Variants in ANKRD30B observed in about 807,000 individuals in gnomAD.
ANKRD30B encodes ankyrin repeat domain 30B.
A neutral mutation model predicts 202.2 loss-of-function variants in ANKRD30B; 144 were observed. The ratio of observed to expected loss-of-function variants is 0.71; its 90% CI spans 0.62 to 0.82. The LOEUF (loss-of-function observed/expected upper bound fraction) is 0.82, where lower values mean the gene tolerates loss of function less well. ANKRD30B is among the 40% of genes least tolerant of loss of function. The pLI is 0.00. For synonymous variants in ANKRD30B, 508 were observed against 561.3 expected (o/e 0.91, Z 1.34); for missense variants, 1,487 against 1,669.1 (o/e 0.89, Z 1.90).
intron 32 of ANKRD30B, among the ~76,000 whole-genome samples, chr18:14,824,333 T>G (rs1970578779): frequency 6.6e-6 from 1 of 152,210 alleles, no homozygotes; most frequent in Non-Finnish European, 1.5e-5. Flanking sequence ...ATGAAAATAT[T>G]TAAAATACTG....
intron 39 of ANKRD30B, among the ~76,000 whole-genome samples, 187 bp from the exon 40 acceptor site, chr18:14,848,529 T>G (rs534733573): frequency 1.4e-4 from 22 of 152,234 alleles, no homozygotes; most frequent in Non-Finnish European, 2.6e-4. Flanking sequence ...TTCAGTATAT[T>G]TTAAGCTAAA....
At chr18:14,838,764 A>G (rs1971286715) in intron 36 of ANKRD30B, among the ~76,000 whole-genome samples, 1 of 152,256 alleles carries the variant, frequency 6.6e-6, no homozygotes, top group Non-Finnish European at 1.5e-5. Flanking sequence ...AAATCGTTTA[A>G]TCTAATCAAA....
chr18:14,776,434 T>A lies in ANKRD30B; in HGVS notation c.1330-1551T>A, dbSNP rs144599494. 8.8e-3 allele frequency among the ~76,000 whole-genome samples: 1,345 copies of A among 152,342 alleles called. 13 individuals carry two copies. The highest frequency in any genetic ancestry group is 0.012 in the Non-Finnish European group (837 of 68,022). ...AGTGGAATTCTATGGTCAGAGTAGA[T>A]CTTTCTGAAACTGCCATTTAATCTC... On this transcript the variant is annotated intron_variant, in intron 9 of 43. Coordinates refer to ENST00000690538, the MANE Select transcript of ANKRD30B (RefSeq NM_001367607.2).
At chr18:14,852,511 TAAATAGATG>T in intron 42 of ANKRD30B, 91 bp downstream of exon 42, 7 of 1,361,226 alleles carry the variant, frequency 5.1e-6, no homozygotes, top group African/African-American at 4.4e-5. Context: ...TATATATATA[TAAATAGATG>T]ATAAATGTAC....
chr18:14,913,407 T>C, the ANKRD30B span, among the ~76,000 whole-genome samples: 1 of 152,122 alleles, frequency 6.6e-6, no homozygotes, highest in Admixed American at 6.6e-5. Flanking sequence ...GAAGAGGGAA[T>C]TTTATGAATT....
At chr18:14,932,590 C>A in the ANKRD30B span, among the ~76,000 whole-genome samples, 1 of 152,024 alleles carries the variant, frequency 6.6e-6, no homozygotes, top group Non-Finnish European at 1.5e-5. Context: ...CGCCCGCTTC[C>A]CCCTCCCAAA....
chr18:14,893,337 G>A, the ANKRD30B span, among the ~76,000 whole-genome samples: 6 of 152,170 alleles, frequency 3.9e-5, no homozygotes, highest in South Asian at 2.1e-4. Flanking sequence ...TGGGCTGGGC[G>A]CAGTGGCTCA....
Position 14,840,745 on chromosome 18 carries a change from A to G in ANKRD30B, c.3079+67A>G, listed in dbSNP as rs1394714200. 11 of 821,164 alleles carry G rather than the reference A, an allele frequency of 1.3e-5. No individual in the cohort carries two copies. The African/African-American group carries it at 1.8e-4, about 14-fold the overall frequency. The allele number at this position is 821,164 out of a possible 1,614,324, so 50.9% of individuals were successfully genotyped here. A position where few individuals can be genotyped will look rare whatever the true frequency, so the allele number is the denominator to read the frequency against. Reference sequence around the variant, plus strand: ...TTTGTCTCAAAGCATGAGGACTGATATACTCTGACAGCCAGAGAAAATTAT... The same window carrying G: ...TTTGTCTCAAAGCATGAGGACTGATGTACTCTGACAGCCAGAGAAAATTAT... On this transcript the variant is annotated intron_variant, in intron 37 of 43. Coordinates refer to ENST00000690538, the MANE Select transcript of ANKRD30B (RefSeq NM_001367607.2).
chr18:14,776,940 C>T (rs1967392828), intron 9 of ANKRD30B, among the ~76,000 whole-genome samples: 1 of 152,206 alleles, frequency 6.6e-6, no homozygotes, highest in African/African-American at 2.4e-5. Flanking sequence ...CTCCGCATGA[C>T]ATACTCTGAA....
chr18:14,843,789 G>A (rs1840262222), intron 39 of ANKRD30B, among the ~76,000 whole-genome samples: 2 of 152,226 alleles, frequency 1.3e-5, no homozygotes, highest in South Asian at 4.1e-4. Flanking sequence ...GCGAGACTCC[G>A]TCTCAAAAAC....
the ANKRD30B span, among the ~76,000 whole-genome samples, chr18:14,897,028 A>G: frequency 6.6e-6 from 1 of 150,740 alleles, no homozygotes; most frequent in Non-Finnish European, 1.5e-5. Flanking sequence ...CCAAGGGAGG[A>G]TGTGAGGAAT....
the ANKRD30B span, among the ~76,000 whole-genome samples, chr18:14,898,211 C>A: frequency 6.6e-6 from 1 of 152,046 alleles, no homozygotes; most frequent in Admixed American, 6.5e-5. Flanking sequence ...AATATAAATT[C>A]AAATTATCTT....
At position 14,748,598 on chromosome 18, in the gene ANKRD30B, G is replaced by A. The variant is rs777341413; in HGVS notation, c.179G>A (p.Gly60Glu). Residue 60 changes from glycine to glutamate, a missense_variant, in exon 1 of 44, where the codon GGG becomes GAG. Coordinates refer to ENST00000690538, the MANE Select transcript of ANKRD30B (RefSeq NM_001367607.2). The stretch of plus-strand genomic sequence containing the variant: ...CAGAAGCTGGAGAAGATGACAGTAG[G>A]GAAGAAGCCCGTCAACCTGAACAAA... Reference protein sequence around the residue: ...QVQKLEKMTVGKKPVNLNKRD... With the variant: ...QVQKLEKMTVEKKPVNLNKRD... The A allele has an allele frequency of 6.4e-7, 1 of 1,566,856 alleles. No homozygotes were observed. The highest frequency in any genetic ancestry group is 2.4e-5 in the East Asian group (1 of 42,430).
intron 16 of ANKRD30B, among the ~76,000 whole-genome samples, chr18:14,795,723 G>A (rs1044663041): frequency 3.9e-5 from 6 of 151,964 alleles, no homozygotes; most frequent in Admixed American, 6.6e-5. Flanking sequence ...AATTCTCATC[G>A]CAGCTTTGCA....
chr18:14,874,480 A>G, the ANKRD30B span, among the ~76,000 whole-genome samples: 3 of 152,256 alleles, frequency 2.0e-5, no homozygotes, highest in South Asian at 2.1e-4. Context: ...TACAATTTGT[A>G]TGAACATCAA....
the ANKRD30B span, among the ~76,000 whole-genome samples, chr18:14,881,062 T>G: frequency 0.014 from 2,066 of 152,266 alleles, 45 homozygotes; most frequent in African/African-American, 0.047. Context: ...CTTTACCGAT[T>G]TGGATTTCCT....
intron 34 of ANKRD30B, among the ~76,000 whole-genome samples, chr18:14,831,968 T>C (rs1970965766): frequency 6.6e-6 from 1 of 152,208 alleles, no homozygotes; most frequent in Admixed American, 6.5e-5. Flanking sequence ...ATATAGGTTT[T>C]TTTGGCGCAT....
chr18:14,848,153 CT>C (rs1195258840), intron 39 of ANKRD30B, among the ~76,000 whole-genome samples: 4 of 151,390 alleles, frequency 2.6e-5, no homozygotes, highest in South Asian at 2.1e-4. Context: ...TTGCTTTCCA[CT>C]TTTTTTTTCT....
At chr18:14,762,589 A>C (rs1378547560) in intron 6 of ANKRD30B, among the ~76,000 whole-genome samples, 2 of 152,240 alleles carry the variant, frequency 1.3e-5, no homozygotes, top group South Asian at 4.1e-4. Flanking sequence ...ATGTTGTTCT[A>C]TCTACTGGAT....
Sources: allele counts gnomAD v4.1 joint callset (sites outside exome capture counted in the v4.1 genomes callset), GRCh38; gene constraint gnomAD v4.1.1; transcripts MANE v1.5; gene names NCBI Gene and HGNC (gene_info 2026-07-23, HGNC 2026-07-21).